The following SUPT5H variants were observed in gnomAD, a reference collection of about 807,000 sequenced individuals.
The protein encoded by SUPT5H is transcription elongation factor SPT5.
SUPT5H carries 24 observed loss-of-function variants against 142.5 expected under a neutral mutation model. The ratio of observed to expected loss-of-function variants is 0.17; its 90% CI spans 0.12 to 0.24. SUPT5H has a LOEUF of 0.24. Ranked by LOEUF, SUPT5H falls within the 10% of genes least tolerant of loss-of-function variation. The probability of loss-of-function intolerance (pLI) is 1.00; values close to 1 mark genes in which losing one functional copy is unlikely to be tolerated. For missense variants in SUPT5H, 893 were observed against 1,471.8 expected (o/e 0.61, Z 6.43); for synonymous variants, 546 against 553.0 (o/e 0.99, Z 0.18).
intron 10 of SUPT5H, among the ~76,000 whole-genome samples, chr19:39,464,231 C>T (rs1361066418): frequency 1.3e-5 from 2 of 152,018 alleles, no homozygotes; most frequent in African/African-American, 4.8e-5. Flanking sequence ...GTGATCCACC[C>T]GCCTCGGCCT....
In SUPT5H at chr19:39,470,099, C is replaced by G; in HGVS notation, c.1375-20C>G. On this transcript the variant is annotated intron_variant, in intron 16 of 29. Coordinates refer to ENST00000432763, the MANE Select transcript of SUPT5H (RefSeq NM_001111020.3). The surrounding 1 kb of genome is among the most constrained non-coding windows in gnomAD (Gnocchi z 5.8). Reference sequence around the variant, plus strand: ...TGGTCTCCCTTCACCTGTTTGTTGTCCCCACACCCAATCCCCCAGGACATG... The same window carrying G: ...TGGTCTCCCTTCACCTGTTTGTTGTGCCCACACCCAATCCCCCAGGACATG... 1.2e-6 allele frequency: 2 copies of G among 1,609,938 alleles called. No homozygotes were observed. The highest frequency in any genetic ancestry group is 1.7e-6 in the Non-Finnish European group (2 of 1,177,420).
chr19:39,453,215 A>G (rs2079042513), intron 2 of SUPT5H, 141 bp from the exon 3 acceptor site: 2 of 935,746 alleles, frequency 2.1e-6, no homozygotes, highest in African/African-American at 1.7e-5. Flanking sequence ...AGGCCAGGCT[A>G]GAGTGAAAGG....
intron 2 of SUPT5H, among the ~76,000 whole-genome samples, chr19:39,448,534 C>T (rs1283279970): frequency 1.3e-5 from 2 of 151,564 alleles, no homozygotes; most frequent in South Asian, 2.1e-4. Context: ...ACTAGTCTCA[C>T]TTCCCCAACA....
intron 2 of SUPT5H, among the ~76,000 whole-genome samples, chr19:39,451,719 A>G (rs1019517007): frequency 3.9e-5 from 6 of 152,058 alleles, no homozygotes; most frequent in African/African-American, 1.4e-4. Flanking sequence ...TTTAGTAAAG[A>G]CGGGGTTTCA....
chr19:39,460,019 C>A, intron 10 of SUPT5H, 59 bp downstream of exon 10: 1 of 1,571,146 alleles, frequency 6.4e-7, no homozygotes, highest in Non-Finnish European at 8.8e-7. Flanking sequence ...GAGGGAAGAA[C>A]ATTGTCAACT....
At chr19:39,454,565 C>T (rs1205969212) in intron 3 of SUPT5H, among the ~76,000 whole-genome samples, 1 of 152,034 alleles carries the variant, frequency 6.6e-6, no homozygotes, top group Non-Finnish European at 1.5e-5. Flanking sequence ...TGGTCTCGAA[C>T]TCCTGACCTT....
Position 39,474,487 on chromosome 19 carries a change from C to T in SUPT5H, c.2821-28C>T, listed in dbSNP as rs775800379. ...GGTCGGCCAGGCCAGATGACTATTC[C>T]CAATGACACTTCCTCTTTCCCCTGC... is the stretch of plus-strand genomic sequence containing the variant. On this transcript the variant is annotated intron_variant, in intron 27 of 29. Transcript: ENST00000432763. This position sits in a 1 kb window ranked among gnomAD's most constrained non-coding sequence, Gnocchi z 6.5. 1.2e-6 allele frequency: 2 copies of T among 1,613,068 alleles called. No homozygotes were observed. The highest frequency in any genetic ancestry group is 2.2e-5 in the East Asian group (1 of 44,840).
intron 9 of SUPT5H, 110 bp from the exon 10 acceptor site, chr19:39,459,782 C>A: frequency 1.7e-6 from 2 of 1,205,080 alleles, no homozygotes. Flanking sequence ...CCTTCTTTCT[C>A]TCTCCTCTCT....
At position 39,472,339 on chromosome 19, in the gene SUPT5H, A is replaced by T; in HGVS notation, c.1951-70A>T. 1 of 1,485,932 alleles carries T rather than the reference A, an allele frequency of 6.7e-7. No individual in the cohort carries two copies. Among genetic ancestry groups the T allele is most frequent in the Non-Finnish European group, 9.4e-7 (1 of 1,067,618 alleles). 92.0% of individuals were successfully genotyped at this position (1,485,932 alleles called of 1,614,324 possible). A position where few individuals can be genotyped will look rare whatever the true frequency, so the allele number is the denominator to read the frequency against. ...GTCTCCTCAGGGCCCTGCACGTGGG[A>T]TGATGAGTTCCTGTGGTTTGTGGTT... On this transcript the variant is annotated intron_variant, in intron 20 of 29. Coordinates refer to ENST00000432763, the MANE Select transcript of SUPT5H (RefSeq NM_001111020.3). This position sits in a 1 kb window ranked among gnomAD's most constrained non-coding sequence, Gnocchi z 4.2.
At chr19:39,447,811 T>A (rs1407001382) in intron 2 of SUPT5H, among the ~76,000 whole-genome samples, 1 of 152,220 alleles carries the variant, frequency 6.6e-6, no homozygotes, top group Non-Finnish European at 1.5e-5. Flanking sequence ...ACTTCTCAGG[T>A]GTCTGGTAGG....
chr19:39,470,942 GC>G lies in SUPT5H; in HGVS notation c.1678-414del, dbSNP rs2079311093. Reference sequence around the variant, plus strand: ...TTGCTCCTGTGCTGTCTGACCCTGGGCTAGTGACTCACCCTCTCTGAGCCTG... The same window carrying G: ...TTGCTCCTGTGCTGTCTGACCCTGGGTAGTGACTCACCCTCTCTGAGCCTG... On this transcript the variant is annotated intron_variant, in intron 18 of 29. Transcript: ENST00000432763. The surrounding 1 kb of genome is among the most constrained non-coding windows in gnomAD (Gnocchi z 5.8). 6.6e-6 allele frequency among the ~76,000 whole-genome samples: 1 copy of G among 152,092 alleles called. No individual in the cohort carries two copies. Among genetic ancestry groups the G allele is most frequent in the African/African-American group, 2.4e-5 (1 of 41,400 alleles).
In SUPT5H at chr19:39,458,523, A is replaced by G; in HGVS notation, c.319+218A>G. 4 of 922,142 alleles carry G rather than the reference A, an allele frequency of 4.3e-6. No individual in the cohort carries two copies. The highest frequency in any genetic ancestry group is 4.9e-6 in the Non-Finnish European group (3 of 609,632). 57.1% of individuals were successfully genotyped at this position (922,142 alleles called of 1,614,324 possible). On this transcript the variant is annotated intron_variant, in intron 5 of 29. Transcript: ENST00000432763. This position sits in a 1 kb window ranked among gnomAD's most constrained non-coding sequence, Gnocchi z 4.2. ...CGGATGTGTCTGTCTGGGACTGAGC[A>G]TTTGTGGGTGGTAGCGATGTGTGGG...
At position 39,472,977 on chromosome 19, in the gene SUPT5H, G is replaced by A; in HGVS notation, c.2156-35G>A. The A allele has an allele frequency of 6.2e-7, 1 of 1,612,316 alleles. No individual in the cohort carries two copies. Among genetic ancestry groups the A allele is most frequent in the Non-Finnish European group, 8.5e-7 (1 of 1,178,806 alleles). ...GCCTGGGGAGGGGCATGGTGAAGGAGAGCCTGCCCAGCCTGACCTCCTGTC... is the reference window on the plus strand; with the variant it reads ...GCCTGGGGAGGGGCATGGTGAAGGAAAGCCTGCCCAGCCTGACCTCCTGTC... On this transcript the variant is annotated intron_variant, in intron 22 of 29. Coordinates refer to ENST00000432763, the MANE Select transcript of SUPT5H (RefSeq NM_001111020.3). This position sits in a 1 kb window ranked among gnomAD's most constrained non-coding sequence, Gnocchi z 4.2.
At chr19:39,476,007 G>C (rs1329285882) in intron 28 of SUPT5H, 74 bp from the exon 29 acceptor site, 1 of 1,384,064 alleles carries the variant, frequency 7.2e-7, no homozygotes, top group Admixed American at 1.9e-5. Flanking sequence ...CCCTGAGCCT[G>C]TGTCCCCTGG....
chr19:39,469,944 C>A lies in SUPT5H; in HGVS notation c.1375-175C>A. On this transcript the variant is annotated intron_variant, in intron 16 of 29. Transcript: ENST00000432763. This position sits in a 1 kb window ranked among gnomAD's most constrained non-coding sequence, Gnocchi z 5.1. ...GTTGGTGTCCTGTGTCTGGGGTCAG[C>A]TGTTTCTGGGGCAGTCTGAGGGGTC... The A allele has an allele frequency of 1.3e-6, 1 of 788,668 alleles. No individual in the cohort carries two copies. The highest frequency in any genetic ancestry group is 2.0e-6 in the Non-Finnish European group (1 of 506,622). The allele number at this position is 788,668 out of a possible 1,614,324, so 48.9% of individuals were successfully genotyped here.
chr19:39,476,376 C>G lies in SUPT5H; in HGVS notation c.3241C>G (p.Leu1081Val). 6.2e-7 allele frequency: 1 copy of G among 1,614,138 alleles called. No individual in the cohort carries two copies. Among genetic ancestry groups the G allele is most frequent in the Non-Finnish European group, 8.5e-7 (1 of 1,180,034 alleles). Residue 1081 changes from leucine to valine, a missense_variant, in exon 30 of 30, where the codon CTG (leucine) becomes GTG (valine). By Grantham distance (32) the Leu-to-Val change is conservative (BLOSUM62 1). This residue lies in a region of SUPT5H where 336 missense variants were observed against 546.5 expected (regional missense o/e 0.61). Coordinates refer to ENST00000432763, the MANE Select transcript of SUPT5H (RefSeq NM_001111020.3). ...GCTCAAGATCCTCAACCTCCGCTTC[C>G]TGGGGAAGCTCCTGGAAGCCTGAAG... ...EQLKILNLRF[L>V]GKLLEA
chr19:39,447,543 C>T (rs1192145063), intron 2 of SUPT5H, among the ~76,000 whole-genome samples: 8 of 150,788 alleles, frequency 5.3e-5, no homozygotes, highest in Non-Finnish European at 8.8e-5. Flanking sequence ...CTCAGCCTCC[C>T]GAGTAGCTGG....
chr19:39,453,444 A>T lies in SUPT5H; in HGVS notation c.164A>T (p.Asp55Val). Reference protein sequence around the residue: ...EEEEEEEEEYDEEEEEEDDDR... With the variant: ...EEEEEEEEEYVEEEEEEDDDR... ...GAGGAGGAAGAGGAGGAGGAATACGATGAGGAAGAGGAGGAAGAAGATGAT... is the reference window on the plus strand; with the variant it reads ...GAGGAGGAAGAGGAGGAGGAATACGTTGAGGAAGAGGAGGAAGAAGATGAT... Residue 55 changes from aspartate to valine, a missense_variant, in exon 3 of 30, where the codon GAT becomes GTT. By Grantham distance (152) the Asp-to-Val change is radical (BLOSUM62 -3). Transcript: ENST00000432763. 2 of 1,563,280 alleles carry T rather than the reference A, an allele frequency of 1.3e-6. No homozygotes were observed. Among genetic ancestry groups the T allele is most frequent in the Non-Finnish European group, 1.7e-6 (2 of 1,153,258 alleles).
intron 2 of SUPT5H, among the ~76,000 whole-genome samples, chr19:39,448,778 A>G (rs147463972): frequency 1.3e-5 from 2 of 152,206 alleles, no homozygotes; most frequent in East Asian, 1.9e-4. Context: ...TCATGGCTCC[A>G]GTAACCTGTT....
Sources: allele counts gnomAD v4.1 joint callset (sites outside exome capture counted in the v4.1 genomes callset), GRCh38; gene constraint gnomAD v4.1.1; regional missense constraint gnomAD v4.1.1; non-coding constraint Gnocchi (gnomAD v3.1); transcripts MANE v1.5; gene names NCBI Gene and HGNC (gene_info 2026-07-23, HGNC 2026-07-21).